Variants in KDM3A observed in about 807,000 individuals in gnomAD.
KDM3A encodes lysine-specific demethylase 3A.
Under a neutral mutation model 158.0 loss-of-function variants are expected in KDM3A, and 60 were observed. That is an observed-to-expected ratio of 0.38 (90% CI 0.31 to 0.47). The LOEUF (loss-of-function observed/expected upper bound fraction) is 0.47, where lower values mean the gene tolerates loss of function less well. KDM3A is among the 20% of genes least tolerant of loss of function. KDM3A has a pLI of 0.99. For synonymous variants in KDM3A, 608 were observed against 549.3 expected (o/e 1.11, Z -1.49); for missense variants, 1,319 against 1,574.3 (o/e 0.84, Z 2.74).
chr2:86,471,390 T>G (rs1170950887), intron 11 of KDM3A, among the ~76,000 whole-genome samples: 1 of 151,604 alleles, frequency 6.6e-6, no homozygotes, highest in African/African-American at 2.4e-5. Context: ...TATGTGTGTA[T>G]ATATATATAT....
At chr2:86,484,488 A>G (rs1159209288) in intron 19 of KDM3A, among the ~76,000 whole-genome samples, 2 of 152,176 alleles carry the variant, frequency 1.3e-5, no homozygotes, top group East Asian at 3.8e-4. Context: ...GTTGACGTGC[A>G]TTGCTGTTGG....
chr2:86,468,903 C>G (rs1673277389), intron 10 of KDM3A, among the ~76,000 whole-genome samples: 1 of 152,148 alleles, frequency 6.6e-6, no homozygotes, highest in South Asian at 2.1e-4. Context: ...GACAGTTCAG[C>G]TTTCTTGTTT....
chr2:86,468,497 C>T (rs1250157505), intron 10 of KDM3A, among the ~76,000 whole-genome samples: 1 of 152,034 alleles, frequency 6.6e-6, no homozygotes, highest in Non-Finnish European at 1.5e-5. Context: ...CCAGCTTTGT[C>T]TCATTTAATA....
chr2:86,475,345 A>G (rs930319481), intron 12 of KDM3A, among the ~76,000 whole-genome samples: 5 of 152,214 alleles, frequency 3.3e-5, no homozygotes, highest in Admixed American at 2.6e-4. Flanking sequence ...ATTTCGAGGA[A>G]AATAAGAATG....
In KDM3A at chr2:86,455,218, C is replaced by T. The variant is rs375986346; in HGVS notation, c.556+31C>T. On this transcript the variant is annotated intron_variant, in intron 5 of 25. Transcript: ENST00000312912. The stretch of plus-strand genomic sequence containing the variant: ...TGCATTATCTAGTGGTGATAGTTCA[C>T]GAGTTGACCAATGATTAGCTTGTGA... The T allele has an allele frequency of 3.0e-4, 353 of 1,159,750 alleles. 1 individual carries two copies. In the African/African-American group the frequency reaches 4.6e-3, roughly 15 times the overall value. 71.8% of individuals were successfully genotyped at this position (1,159,750 alleles called of 1,614,324 possible).
rs1228485944 is a variant in KDM3A at position 86,492,147 on chromosome 2, A to C, written c.*28A>C. 1.3e-6 allele frequency: 2 copies of C among 1,539,654 alleles called. No individual in the cohort carries two copies. The highest frequency in any genetic ancestry group is 1.8e-6 in the Non-Finnish European group (2 of 1,113,610). ...TCCCTGCACATTGGAAATGAATTAC[A>C]GGCAGCTGTTCAAACTCTTCAGGCA... On this transcript the variant is annotated 3_prime_UTR_variant, in exon 26 of 26. Coordinates refer to ENST00000312912, the MANE Select transcript of KDM3A (RefSeq NM_018433.6).
chr2:86,477,738 G>A (rs1203205532), intron 12 of KDM3A, 139 bp from the exon 13 acceptor site: 1 of 723,840 alleles, frequency 1.4e-6, no homozygotes, highest in East Asian at 2.7e-5. Context: ...TGGGGTGGAG[G>A]ACAGCATTTG....
intron 1 of KDM3A, 33 bp from the exon 2 acceptor site, chr2:86,441,984 GC>G: frequency 6.7e-6 from 9 of 1,348,656 alleles, no homozygotes; most frequent in Admixed American, 3.6e-5. Flanking sequence ...CCCACCGGCC[GC>G]CCCCGTCGCA....
chr2:86,449,667 GAGGGAGCTGGA>G (rs1672356521), intron 2 of KDM3A, 129 bp from the exon 3 acceptor site: 1 of 868,518 alleles, frequency 1.2e-6, no homozygotes, highest in Non-Finnish European at 1.7e-6. Context: ...GACAGGAAGT[GAGGGAGCTGGA>G]AGGGGGAAAG....
At chr2:86,458,064 C>T (rs1322051016) in intron 8 of KDM3A, among the ~76,000 whole-genome samples, 2 of 152,158 alleles carry the variant, frequency 1.3e-5, no homozygotes, top group African/African-American at 4.8e-5. Context: ...TGCTCTGCCC[C>T]AGGCTGGAGT....
intron 1 of KDM3A, 70 bp from the exon 2 acceptor site, chr2:86,441,948 T>C: frequency 9.8e-6 from 7 of 710,680 alleles, no homozygotes; most frequent in Non-Finnish European, 1.4e-5. Context: ...CCGCCCGCCC[T>C]CCCTGCTGTC....
chr2:86,471,223 G>A (rs1320074108), intron 11 of KDM3A, among the ~76,000 whole-genome samples: 5 of 151,170 alleles, frequency 3.3e-5, no homozygotes, highest in Non-Finnish European at 4.4e-5. Context: ...ATATATATAT[G>A]TGTGTGTGTG....
intron 2 of KDM3A, among the ~76,000 whole-genome samples, chr2:86,446,556 A>G (rs1056856260): frequency 8.5e-5 from 13 of 152,096 alleles, no homozygotes; most frequent in African/African-American, 3.1e-4. Context: ...TAAAAATGCA[A>G]AAATTAGCCA....
rs192577683 is a variant in KDM3A at position 86,450,971 on chromosome 2, T to C, written c.343-132T>C. On this transcript the variant is annotated intron_variant, in intron 3 of 25. Transcript: ENST00000312912. ...TCTATGGCTGCATAAATAGTTGTTA[T>C]GAGATAACTTGCAGTAAATAAAAAA... is the stretch of plus-strand genomic sequence containing the variant. 1.9e-5 allele frequency: 11 copies of C among 570,346 alleles called. No individual in the cohort carries two copies. The East Asian group carries it at 2.3e-4, about 12-fold the overall frequency. The allele number at this position is 570,346 out of a possible 1,614,324, so 35.3% of individuals were successfully genotyped here.
At chr2:86,450,751 G>T (rs1279316017) in intron 3 of KDM3A, among the ~76,000 whole-genome samples, 1 of 152,130 alleles carries the variant, frequency 6.6e-6, no homozygotes, top group Non-Finnish European at 1.5e-5. Context: ...GTTTTATTTT[G>T]CTCTTTGTAT....
chr2:86,464,112 G>C lies in KDM3A; in HGVS notation c.903G>C (p.Leu301=), dbSNP rs746847069. 4 of 1,612,738 alleles carry C rather than the reference G, an allele frequency of 2.5e-6. No individual in the cohort carries two copies. In the South Asian group the frequency reaches 4.4e-5, roughly 18 times the overall value. Residue 301 remains leucine (L), a synonymous_variant, in exon 9 of 26, where the codon CTG becomes CTC. Coordinates refer to ENST00000312912, the MANE Select transcript of KDM3A (RefSeq NM_018433.6). ...SVPTTVFKEI[L]LGCTAATPPS... is the part of the protein sequence containing the mutation. ...CTACAACAGTTTTTAAGGAGATACTGCTTGGCTGTACTGCGGCAACTCCAC... is the reference window on the plus strand; with the variant it reads ...CTACAACAGTTTTTAAGGAGATACTCCTTGGCTGTACTGCGGCAACTCCAC...
intron 15 of KDM3A, 163 bp from the exon 16 acceptor site, chr2:86,480,004 A>T: frequency 1.6e-6 from 1 of 615,506 alleles, no homozygotes. Context: ...ATTCTCTACT[A>T]GTGCGGGATT....
intron 10 of KDM3A, among the ~76,000 whole-genome samples, chr2:86,469,915 A>G (rs1673325261): frequency 6.6e-6 from 1 of 152,194 alleles, no homozygotes; most frequent in Non-Finnish European, 1.5e-5. Flanking sequence ...AGAGTTGTGA[A>G]TAGAAGTATA....
At chr2:86,484,308 A>C (rs2241803) in intron 19 of KDM3A, 150 bp downstream of exon 19, 20 of 634,468 alleles carry the variant, frequency 3.2e-5, no homozygotes, top group Non-Finnish European at 4.6e-5. Flanking sequence ...TCCTTGTTAC[A>C]ATGTTTATGC....
Sources: gnomAD v4.1 joint callset for allele counts (sites outside exome capture counted in the v4.1 genomes callset) on GRCh38, gnomAD v4.1.1 for gene constraint, MANE v1.5 for transcripts, NCBI Gene and HGNC (gene_info 2026-07-23, HGNC 2026-07-21) for gene names.